The following WNK3 variants were observed in gnomAD, a reference collection of about 807,000 sequenced individuals.
WNK3 encodes serine/threonine-protein kinase WNK3.
Under a neutral mutation model 116.7 loss-of-function variants are expected in WNK3, and 18 were observed. That is an observed-to-expected ratio of 0.15 (90% confidence interval 0.11 to 0.23). The LOEUF (loss-of-function observed/expected upper bound fraction) is 0.23. Ranked by LOEUF, WNK3 falls within the 10% of genes least tolerant of loss-of-function variation. The pLI, the probability that WNK3 is intolerant of heterozygous loss-of-function variation, is 1.00. For missense variants in WNK3, 993 were observed against 1,323.8 expected (o/e 0.75, Z 3.88); for synonymous variants, 404 against 469.4 (o/e 0.86, Z 1.80).
Position 54,226,067 on chromosome X carries a change from T to G in WNK3, c.4870+2647A>C, listed in dbSNP as rs1175491959. ...GAAAAATAGTCTTTTCAACAAAAAGTGCTAGGACAAGGAGATATCCACATA... is the reference window on the plus strand; with the variant it reads ...GAAAAATAGTCTTTTCAACAAAAAGGGCTAGGACAAGGAGATATCCACATA... On this transcript the variant is annotated intron_variant, in intron 22 of 23. Coordinates refer to ENST00000354646, the Ensembl canonical transcript of WNK3. Among the ~76,000 whole-genome samples the G allele has an allele frequency of 3.6e-5, 2 of 56,172 alleles. 1 individual carries two copies. The highest frequency in any genetic ancestry group is 5.9e-5 in the Non-Finnish European group (2 of 33,945). 48.8% of individuals were successfully genotyped at this position (56,172 alleles called of 115,157 possible).
chrX:54,326,513 G>A (rs1431860204), intron 2 of WNK3, among the ~76,000 whole-genome samples: 4 of 110,627 alleles, frequency 3.6e-5, no homozygotes, highest in African/African-American at 1.3e-4. Flanking sequence ...AGACTAGCCT[G>A]AGCAACATAG....
chrX:54,210,768 T>C (rs1183584036), intron 22 of WNK3, among the ~76,000 whole-genome samples: 2 of 112,251 alleles, frequency 1.8e-5, no homozygotes, highest in Non-Finnish European at 3.8e-5. Flanking sequence ...GCTTCCAGTA[T>C]GACAGAGTGA....
chrX:54,249,883 T>C, intron 16 of WNK3, 111 bp downstream of exon 16: 2 of 968,380 alleles, frequency 2.1e-6, no homozygotes, highest in Non-Finnish European at 1.4e-6. Flanking sequence ...AAAAAGCTTA[T>C]GAAAATTCTC....
chrX:54,284,977 A>T (rs782318183), intron 10 of WNK3, among the ~76,000 whole-genome samples: 1 of 106,270 alleles, frequency 9.4e-6, no homozygotes, highest in Non-Finnish European at 2.0e-5. Flanking sequence ...CTCAAAAAAG[A>T]AAAAAAAAAA....
chrX:54,353,069 A>C (rs782803963), intron 1 of WNK3, among the ~76,000 whole-genome samples: 1 of 112,043 alleles, frequency 8.9e-6, no homozygotes, highest in East Asian at 2.8e-4. Flanking sequence ...ATGGGGAGTG[A>C]CTGCTTACTG....
At chrX:54,202,281 A>G (rs2067508933) in intron 22 of WNK3, 88 bp from the exon 23 acceptor site, 1 of 875,769 alleles carries the variant, frequency 1.1e-6, no homozygotes, top group African/African-American at 2.0e-5. Flanking sequence ...CAAAGCAGTT[A>G]ACAGAGCCAC....
intron 22 of WNK3, among the ~76,000 whole-genome samples, chrX:54,228,065 G>C (rs2067862320): frequency 9.1e-6 from 1 of 110,168 alleles, no homozygotes; most frequent in Admixed American, 9.8e-5. Flanking sequence ...TAATTTTATA[G>C]AGATGGGGTC....
At chrX:54,274,939 A>C (rs2068424121) in intron 10 of WNK3, among the ~76,000 whole-genome samples, 1 of 102,947 alleles carries the variant, frequency 9.7e-6, no homozygotes, top group Non-Finnish European at 2.0e-5. Context: ...TGAGCTCAGG[A>C]GGTTGAGGCT....
intron 22 of WNK3, among the ~76,000 whole-genome samples, chrX:54,226,094 CCAAAAAAAAAAAAAA>C (rs2067834003): frequency 8.3e-5 from 1 of 11,997 alleles, no homozygotes; most frequent in African/African-American, 1.0e-4. Context: ...ATCCACATAC[CCAAAAAAAAAAAAAA>C]AAAAAAAAAA....
At chrX:54,336,478 A>T (rs375437248) in intron 1 of WNK3, among the ~76,000 whole-genome samples, 1 of 111,025 alleles carries the variant, frequency 9.0e-6, no homozygotes, top group African/African-American at 3.3e-5. Context: ...TTTTTCTGGG[A>T]AAAAAAATGC....
At chrX:54,203,713 G>A (rs28409889) in intron 22 of WNK3, among the ~76,000 whole-genome samples, 1,938 of 110,364 alleles carry the variant, frequency 0.018, 31 homozygotes, top group African/African-American at 0.061. Context: ...GCCAACTGCT[G>A]AGGTGGGCGG....
chrX:54,302,295 G>T (rs2068765773), intron 5 of WNK3, among the ~76,000 whole-genome samples: 1 of 111,244 alleles, frequency 9.0e-6, no homozygotes, highest in South Asian at 3.7e-4. Context: ...TAATAAACAA[G>T]TTTATTTATT....
chrX:54,236,434 CT>C (rs1346961381), intron 20 of WNK3, among the ~76,000 whole-genome samples: 2 of 110,670 alleles, frequency 1.8e-5, no homozygotes, highest in African/African-American at 3.3e-5. Context: ...GCCTGAATTT[CT>C]TTTTTTTAAA....
At chrX:54,242,201 A>G (rs1483639149) in intron 17 of WNK3, among the ~76,000 whole-genome samples, 1 of 111,681 alleles carries the variant, frequency 9.0e-6, no homozygotes, top group African/African-American at 3.2e-5. Flanking sequence ...TCCATTTCTA[A>G]TAACAATAAG....
chrX:54,196,829 G>A (rs2067447893), exon 24 of WNK3: 1 of 111,328 alleles, frequency 9.0e-6, no homozygotes. Flanking sequence ...CCTAAAACTG[G>A]ATAAAACCCA....
At chrX:54,226,201 G>T (rs1383083530) in intron 22 of WNK3, among the ~76,000 whole-genome samples, 1 of 109,636 alleles carries the variant, frequency 9.1e-6, no homozygotes, top group East Asian at 2.8e-4. Flanking sequence ...CGGGTGCAGC[G>T]GCTCAGGCCT....
At chrX:54,312,943 T>C (rs1278973538) in intron 2 of WNK3, among the ~76,000 whole-genome samples, 1 of 111,500 alleles carries the variant, frequency 9.0e-6, no homozygotes, top group Admixed American at 9.7e-5. Context: ...CTAAATTCCT[T>C]TAGTTATTGT....
At chrX:54,330,430 A>C (rs983049052) in intron 2 of WNK3, among the ~76,000 whole-genome samples, 2 of 111,481 alleles carry the variant, frequency 1.8e-5, no homozygotes, top group Non-Finnish European at 3.8e-5. Flanking sequence ...GGTGGCACAC[A>C]TCCGCAGTCC....
At chrX:54,344,701 T>C (rs1417051128) in intron 1 of WNK3, among the ~76,000 whole-genome samples, 13 of 103,614 alleles carry the variant, frequency 1.3e-4, no homozygotes, top group East Asian at 9.7e-4. Flanking sequence ...TCCCAGCACT[T>C]TGGGAGGCCG....
Sources: gnomAD v4.1 joint callset for allele counts (sites outside exome capture counted in the v4.1 genomes callset) on GRCh38, gnomAD v4.1.1 for gene constraint, MANE v1.5 for transcripts, NCBI Gene and HGNC (gene_info 2026-07-23, HGNC 2026-07-21) for gene names.